SIPA1L3: variants seen among roughly 807,000 people sequenced by gnomAD.
The protein encoded by SIPA1L3 is signal-induced proliferation-associated 1-like protein 3.
In SIPA1L3, 59 loss-of-function variants were observed where a neutral mutation model predicts 150.1. The ratio of observed to expected loss-of-function variants is 0.39; its 90% CI spans 0.32 to 0.49. The LOEUF (loss-of-function observed/expected upper bound fraction) is 0.49. SIPA1L3 is among the 20% of genes least tolerant of loss of function. The probability of loss-of-function intolerance (pLI) is 0.86; values close to 1 mark genes in which losing one functional copy is unlikely to be tolerated. For synonymous variants in SIPA1L3, 1,070 were observed against 1,077.6 expected (o/e 0.99, Z 0.14); for missense variants, 2,211 against 2,489.5 (o/e 0.89, Z 2.38).
intron 1 of SIPA1L3, among the ~76,000 whole-genome samples, chr19:37,953,159 C>T (rs528671106): frequency 2.0e-5 from 3 of 152,278 alleles, no homozygotes; most frequent in African/African-American, 7.2e-5. Flanking sequence ...GCATTCTCAG[C>T]TTACAATCCT....
chr19:38,118,433 G>T (rs1326201421), intron 8 of SIPA1L3, among the ~76,000 whole-genome samples: 1 of 152,052 alleles, frequency 6.6e-6, no homozygotes, highest in Non-Finnish European at 1.5e-5. Context: ...TCTGCCACAC[G>T]GTCTATGTAT....
At chr19:38,077,163 T>C (rs1212994040) in intron 2 of SIPA1L3, among the ~76,000 whole-genome samples, 3 of 152,042 alleles carry the variant, frequency 2.0e-5, no homozygotes, top group Non-Finnish European at 2.9e-5. Flanking sequence ...AGAAAGTCAT[T>C]GAGGAGGCTG....
chr19:38,077,661 CTTTTTTTTTTTTTT>C (rs58788182), intron 2 of SIPA1L3, among the ~76,000 whole-genome samples: 4 of 64,324 alleles, frequency 6.2e-5, no homozygotes, highest in Non-Finnish European at 1.1e-4. Context: ...TTTTCTTTTT[CTTTTTTTTTTTTTT>C]TTTTTTTTTT....
chr19:38,039,040 G>A (rs1197092741), intron 2 of SIPA1L3, among the ~76,000 whole-genome samples: 1 of 151,906 alleles, frequency 6.6e-6, no homozygotes, highest in Non-Finnish European at 1.5e-5. Context: ...GCACCACCAC[G>A]CCTGGCTAAT....
At chr19:37,973,396 C>G (rs948106805) in intron 1 of SIPA1L3, among the ~76,000 whole-genome samples, 3 of 151,718 alleles carry the variant, frequency 2.0e-5, no homozygotes, top group Non-Finnish European at 2.9e-5. Flanking sequence ...GCCACCATGC[C>G]CAGCTGATTT....
chr19:38,196,585 G>A (rs867983132), intron 18 of SIPA1L3, among the ~76,000 whole-genome samples: 1 of 150,070 alleles, frequency 6.7e-6, no homozygotes, highest in African/African-American at 2.5e-5. Flanking sequence ...AGAGCGTGGA[G>A]GTCAAGGGAG....
intron 9 of SIPA1L3, among the ~76,000 whole-genome samples, chr19:38,120,739 A>G (rs900864903): frequency 1.3e-5 from 2 of 152,248 alleles, no homozygotes; most frequent in Admixed American, 6.5e-5. Context: ...ACAAACCAAG[A>G]GTGGCAGATT....
At chr19:38,197,129 C>G (rs529134663) in intron 18 of SIPA1L3, among the ~76,000 whole-genome samples, 4 of 152,090 alleles carry the variant, frequency 2.6e-5, no homozygotes, top group Admixed American at 1.3e-4. Context: ...TGTCACCCCC[C>G]GCCTCCGCCA....
intron 1 of SIPA1L3, among the ~76,000 whole-genome samples, chr19:38,021,306 AGAGGCTGG>A (rs1453710665): frequency 6.6e-6 from 1 of 152,132 alleles, no homozygotes; most frequent in African/African-American, 2.4e-5. Context: ...GTCTGGAGAG[AGAGGCTGG>A]CAGGTTCAGT....
chr19:38,198,408 G>T lies in SIPA1L3; in HGVS notation c.4860G>T (p.Glu1620Asp). The change falls in exon 19 of 22, where the codon GAG (glutamate) becomes GAT (aspartate). Residue 1620 changes from glutamate to aspartate, a missense_variant. Around this residue, in one of 5 missense-constraint regions of SIPA1L3, gnomAD observed 806 missense variants for 870.1 expected, o/e 0.93. Transcript: ENST00000222345. ...PEKKSTISAS[E>D]LSLADGRDRP... Reference sequence around the variant, plus strand: ...ATCCAGCCACCATCTCAGCCTCGGAGCTCTCGCTGGCTGATGGGCGGGACC... The same window carrying T: ...ATCCAGCCACCATCTCAGCCTCGGATCTCTCGCTGGCTGATGGGCGGGACC... The T allele has an allele frequency of 1.9e-6, 3 of 1,577,644 alleles. No homozygotes were observed. The highest frequency in any genetic ancestry group is 2.4e-5 in the East Asian group (1 of 41,824).
At chr19:38,186,290 T>G (rs538074357) in intron 16 of SIPA1L3, 1 of 152,156 alleles carries the variant, frequency 6.6e-6, no homozygotes, top group East Asian at 1.9e-4. Flanking sequence ...CTTTTAATAT[T>G]TATTTATTTA....
chr19:38,104,065 C>T (rs901297174), intron 6 of SIPA1L3, among the ~76,000 whole-genome samples: 7 of 152,018 alleles, frequency 4.6e-5, no homozygotes, highest in African/African-American at 9.7e-5. Context: ...AGTGGGTTTT[C>T]GTCAGCTGGG....
Position 38,164,533 on chromosome 19 carries a change from T to A in SIPA1L3, c.3835T>A (p.Ser1279Thr). The change falls in exon 15 of 22, where the codon TCC becomes ACC. Residue 1279 changes from serine to threonine, a missense_variant. Physicochemically the swap from Ser to Thr is moderately conservative, Grantham distance 58. This residue lies in a region of SIPA1L3 where 806 missense variants were observed against 870.1 expected (regional missense o/e 0.93). Coordinates refer to ENST00000222345, the MANE Select transcript of SIPA1L3 (RefSeq NM_015073.3). The surrounding 1 kb of genome is among the most constrained non-coding windows in gnomAD (Gnocchi z 4.1). ...SSSNTLSSNASSSHSDDRWFD... is the reference protein window; with the variant it reads ...SSSNTLSSNATSSHSDDRWFD... ...CAGCAACACCCTCTCCAGCAACGCA[T>A]CCAGCAGCCACAGCGACGACCGCTG... 1 of 1,613,924 alleles carries A rather than the reference T, an allele frequency of 6.2e-7. No individual in the cohort carries two copies. Among genetic ancestry groups the A allele is most frequent in the Non-Finnish European group, 8.5e-7 (1 of 1,179,882 alleles).
At chr19:38,074,085 C>T (rs894699150) in intron 2 of SIPA1L3, among the ~76,000 whole-genome samples, 2 of 152,210 alleles carry the variant, frequency 1.3e-5, no homozygotes, top group African/African-American at 2.4e-5. Context: ...GGTTCCCCAT[C>T]GGGAAGGTCC....
At chr19:37,916,376 T>C (rs937933733) in intron 1 of SIPA1L3, among the ~76,000 whole-genome samples, 1 of 151,200 alleles carries the variant, frequency 6.6e-6, no homozygotes, top group Non-Finnish European at 1.5e-5. Flanking sequence ...GATGTGCACC[T>C]ATAATCCCAG....
intron 1 of SIPA1L3, among the ~76,000 whole-genome samples, chr19:37,991,781 C>T (rs1174197808): frequency 6.6e-6 from 1 of 152,132 alleles, no homozygotes; most frequent in African/African-American, 2.4e-5. Context: ...ACAGATTTCT[C>T]TTGGGGGCTT....
intron 1 of SIPA1L3, among the ~76,000 whole-genome samples, chr19:37,947,191 C>T (rs2046719528): frequency 7.1e-6 from 1 of 141,648 alleles, no homozygotes; most frequent in Non-Finnish European, 1.5e-5. Context: ...GAGACCTTGT[C>T]TCTTAAAAAC....
At chr19:37,938,737 C>T (rs2046625058) in intron 1 of SIPA1L3, among the ~76,000 whole-genome samples, 1 of 151,392 alleles carries the variant, frequency 6.6e-6, no homozygotes, top group African/African-American at 2.4e-5. Context: ...ATTCTCCTGC[C>T]TCAGCCTCAC....
chr19:37,909,281 C>T (rs1366761815), intron 1 of SIPA1L3, among the ~76,000 whole-genome samples: 1 of 152,188 alleles, frequency 6.6e-6, no homozygotes, highest in Non-Finnish European at 1.5e-5. Context: ...AATCTCAGCT[C>T]ACTGAAGCCT....
Sources: allele counts gnomAD v4.1 joint callset (sites outside exome capture counted in the v4.1 genomes callset), GRCh38; gene constraint gnomAD v4.1.1; regional missense constraint gnomAD v4.1.1; non-coding constraint Gnocchi (gnomAD v3.1); transcripts MANE v1.5; gene names NCBI Gene and HGNC (gene_info 2026-07-23, HGNC 2026-07-21).